The following XKR9 variants were observed in gnomAD, a reference collection of about 807,000 sequenced individuals.
XKR9 encodes XK-related protein 9.
XKR9 carries 32 observed loss-of-function variants against 32.0 expected under a neutral mutation model. The ratio of observed to expected loss-of-function variants is 1.00; its 90% CI spans 0.76 to 1.34. The LOEUF (loss-of-function observed/expected upper bound fraction) is 1.34. XKR9 is among the 40% of genes most tolerant of loss of function. XKR9 has a pLI of 0.00. For synonymous variants in XKR9, 168 were observed against 143.4 expected, an observed-to-expected ratio of 1.17 and a Z score of -1.22; for missense variants, 546 against 429.7, an observed-to-expected ratio of 1.27 and a Z score of -2.39.
the XKR9 span, among the ~76,000 whole-genome samples, chr8:70,876,069 T>C: frequency 1.5e-4 from 23 of 152,284 alleles, no homozygotes; most frequent in African/African-American, 5.5e-4. Context: ...CTTAGAGTGG[T>C]ATTCAATTCC....
intron 2 of XKR9, among the ~76,000 whole-genome samples, chr8:70,762,182 C>CT (rs890732977): frequency 1.3e-5 from 2 of 151,836 alleles, no homozygotes; most frequent in Admixed American, 6.6e-5. Flanking sequence ...GGTATTTGGG[C>CT]TTTTTTTTGG....
the XKR9 span, among the ~76,000 whole-genome samples, chr8:70,927,805 T>G: frequency 3.9e-5 from 6 of 152,198 alleles, no homozygotes; most frequent in Non-Finnish European, 7.3e-5. Context: ...GTACTGTTTC[T>G]GTGTTAGCTT....
intron 4 of XKR9, among the ~76,000 whole-genome samples, chr8:70,713,581 G>C (rs1182366345): frequency 1.3e-5 from 2 of 152,102 alleles, no homozygotes; most frequent in Non-Finnish European, 2.9e-5. Flanking sequence ...GAAGTAGTAA[G>C]TATATGGGTG....
At chr8:70,943,980 G>A in the XKR9 span, among the ~76,000 whole-genome samples, 5 of 152,044 alleles carry the variant, frequency 3.3e-5, no homozygotes, top group African/African-American at 1.2e-4. Context: ...GTATATCTGA[G>A]TAGTTTCTCA....
intron 2 of XKR9, among the ~76,000 whole-genome samples, chr8:70,752,117 C>T (rs923498598): frequency 6.6e-6 from 1 of 152,182 alleles, no homozygotes; most frequent in Non-Finnish European, 1.5e-5. Flanking sequence ...CATTTTCCCT[C>T]TCACTGATTC....
the XKR9 span, among the ~76,000 whole-genome samples, chr8:71,005,463 A>T: frequency 6.6e-6 from 1 of 151,906 alleles, no homozygotes; most frequent in Non-Finnish European, 1.5e-5. Flanking sequence ...ACCTCAGGTG[A>T]TTCACCTGCC....
chr8:70,798,036 T>G, the XKR9 span, among the ~76,000 whole-genome samples: 1 of 152,166 alleles, frequency 6.6e-6, no homozygotes, highest in Non-Finnish European at 1.5e-5. Context: ...GTCTTTATGG[T>G]AGAATGATTT....
the XKR9 span, among the ~76,000 whole-genome samples, chr8:71,037,796 A>G: frequency 6.6e-6 from 1 of 152,152 alleles, no homozygotes; most frequent in African/African-American, 2.4e-5. Flanking sequence ...CATACTTTTC[A>G]TTTTGTCTTG....
At chr8:70,881,159 A>G in the XKR9 span, among the ~76,000 whole-genome samples, 4 of 152,218 alleles carry the variant, frequency 2.6e-5, no homozygotes, top group Admixed American at 2.6e-4. Context: ...CCTAAACCAC[A>G]AAAACCCTTG....
At chr8:71,050,951 A>G in the XKR9 span, among the ~76,000 whole-genome samples, 1 of 152,182 alleles carries the variant, frequency 6.6e-6, no homozygotes, top group African/African-American at 2.4e-5. Flanking sequence ...TCAAGCATTT[A>G]ATTAAATTAA....
At chr8:70,819,848 A>G in the XKR9 span, among the ~76,000 whole-genome samples, 8 of 152,140 alleles carry the variant, frequency 5.3e-5, no homozygotes, top group Non-Finnish European at 1.2e-4. Flanking sequence ...CTCTATGTTG[A>G]GATTTGGACC....
At chr8:71,002,809 A>G in the XKR9 span, among the ~76,000 whole-genome samples, 2 of 152,240 alleles carry the variant, frequency 1.3e-5, no homozygotes, top group Non-Finnish European at 2.9e-5. Flanking sequence ...CATGTCACTC[A>G]GATACCTTCT....
At chr8:70,796,629 G>A in the XKR9 span, among the ~76,000 whole-genome samples, 1 of 151,938 alleles carries the variant, frequency 6.6e-6, no homozygotes, top group Admixed American at 6.6e-5. Flanking sequence ...CTCTAATAAT[G>A]TTACAAAATT....
chr8:70,692,072 T>C (rs182353052), intron 3 of XKR9, among the ~76,000 whole-genome samples: 179 of 152,298 alleles, frequency 1.2e-3, no homozygotes, highest in African/African-American at 4.2e-3. Context: ...GCTTGTGTCT[T>C]CTTTGATTTC....
chr8:70,726,938 A>C (rs1806489380), intron 4 of XKR9, among the ~76,000 whole-genome samples: 1 of 152,142 alleles, frequency 6.6e-6, no homozygotes, highest in Non-Finnish European at 1.5e-5. Flanking sequence ...ATCATTAGAC[A>C]TCCACCTTAC....
At chr8:70,858,599 C>T in the XKR9 span, among the ~76,000 whole-genome samples, 1 of 152,178 alleles carries the variant, frequency 6.6e-6, no homozygotes, top group Non-Finnish European at 1.5e-5. Flanking sequence ...CATTACCCGA[C>T]TTCAAAATTT....
downstream of XKR9, among the ~76,000 whole-genome samples, chr8:70,736,944 G>A (rs1806873588): frequency 6.6e-6 from 1 of 152,236 alleles, no homozygotes; most frequent in South Asian, 2.1e-4. Flanking sequence ...TTGACTCGGC[G>A]ATGCGGGCTC....
the XKR9 span, among the ~76,000 whole-genome samples, chr8:70,953,128 TA>T: frequency 6.6e-6 from 1 of 152,218 alleles, no homozygotes; most frequent in Non-Finnish European, 1.5e-5. Flanking sequence ...CTAATGCTTT[TA>T]AGCATTTTTC....
chr8:70,910,954 C>A, the XKR9 span, among the ~76,000 whole-genome samples: 2 of 152,208 alleles, frequency 1.3e-5, no homozygotes, highest in African/African-American at 2.4e-5. Context: ...ATCTTCAAGT[C>A]CAGCACCTAG....
Sources: allele counts gnomAD v4.1 joint callset (sites outside exome capture counted in the v4.1 genomes callset), GRCh38; gene constraint gnomAD v4.1.1; transcripts MANE v1.5; gene names NCBI Gene and HGNC (gene_info 2026-07-23, HGNC 2026-07-21).